The following DNAAF5 variants were observed in gnomAD, a reference collection of about 807,000 sequenced individuals.
DNAAF5 encodes dynein axonemal assembly factor 5.
A neutral mutation model predicts 75.8 loss-of-function variants in DNAAF5; 64 were observed. The observed-to-expected ratio is 0.84, with a 90% CI of 0.69 to 1.04. DNAAF5 has a LOEUF of 1.04. DNAAF5 is among the 50% of genes least tolerant of loss of function. The pLI is 0.00. For missense variants in DNAAF5, 1,269 were observed against 1,178.5 expected (o/e 1.08, Z -1.12); for synonymous variants, 657 against 557.2 (o/e 1.18, Z -2.52).
intron 2 of DNAAF5, among the ~76,000 whole-genome samples, chr7:735,855 G>C (rs933993751): frequency 1.1e-4 from 16 of 151,848 alleles, no homozygotes. Context: ...AGTTCTTTAC[G>C]ATGCAGTGTT....
Position 763,898 on chromosome 7 carries a change from G to A in DNAAF5, c.1707G>A (p.Arg569=), listed in dbSNP as rs180946359. The A allele has an allele frequency of 1.2e-6, 2 of 1,612,696 alleles. No homozygotes were observed. The highest frequency in any genetic ancestry group is 2.7e-5 in the African/African-American group (2 of 75,066). The change falls in exon 8 of 13, where the codon CGG becomes CGA. Residue 569 remains arginine (R), a synonymous_variant. Transcript: ENST00000297440. ...AGCACATTGGTCCCCTCCTGGAGCG[G>A]GTGACCGCGTCGCACCTTGACTGGA... ...YRKHIGPLLE[R]VTASHLDWTA... is the part of the protein sequence containing the mutation.
chr7:785,798 T>C lies in DNAAF5; in HGVS notation c.*145T>C. 1.2e-6 allele frequency: 1 copy of C among 834,854 alleles called. No homozygotes were observed. Among genetic ancestry groups the C allele is most frequent in the East Asian group, 2.8e-5 (1 of 36,324 alleles). 51.7% of individuals were successfully genotyped at this position (834,854 alleles called of 1,614,324 possible). ...CTCCTCAGGACACCTGCCCACTCTT[T>C]CCCTGGAATAACAGCCTCTGAGTGG... On this transcript the variant is annotated 3_prime_UTR_variant, in exon 13 of 13. Transcript: ENST00000297440.
chr7:760,692 G>C (rs749732740), intron 6 of DNAAF5, among the ~76,000 whole-genome samples: 1 of 152,184 alleles, frequency 6.6e-6, no homozygotes, highest in Admixed American at 6.5e-5. Context: ...GTAAGCACAC[G>C]CAAAGCCTTA....
At chr7:756,631 G>C in intron 5 of DNAAF5, 151 bp from the exon 6 acceptor site, 1 of 688,008 alleles carries the variant, frequency 1.5e-6, no homozygotes, top group Non-Finnish European at 2.5e-6. Flanking sequence ...CCTTTCCTGA[G>C]GGCTCTGAGC....
intron 12 of DNAAF5, among the ~76,000 whole-genome samples, chr7:780,878 CT>C (rs1168547134): frequency 7.7e-5 from 7 of 90,380 alleles, no homozygotes; most frequent in Non-Finnish European, 1.2e-4. Flanking sequence ...TGACGTTGTT[CT>C]TTTTTTTAAT....
rs1379663317 is a variant in DNAAF5 at position 727,130 on chromosome 7, C to G, written c.410C>G (p.Ala137Gly). 12 of 1,201,198 alleles carry G rather than the reference C, an allele frequency of 1.0e-5. No individual in the cohort carries two copies. Among genetic ancestry groups the G allele is most frequent in the Non-Finnish European group, 1.2e-5 (12 of 967,418 alleles). The allele number at this position is 1,201,198 out of a possible 1,614,324, so 74.4% of individuals were successfully genotyped here. ...GTGCCCGCGCGCCGCCCGCCCGAGG[C>G]CTGTGAGGAGCTGCGCCTGGCGCTT... is the stretch of plus-strand genomic sequence containing the variant. ...GPVPARRPPEACEELRLALVQ... is the reference protein window; with the variant it reads ...GPVPARRPPEGCEELRLALVQ... The change falls in exon 1 of 13, where the codon GCC (alanine) becomes GGC (glycine). Residue 137 changes from alanine to glycine, a missense_variant. Ala to Gly is a moderately conservative substitution (Grantham distance 60). Coordinates refer to ENST00000297440, the MANE Select transcript of DNAAF5 (RefSeq NM_017802.4).
intron 2 of DNAAF5, among the ~76,000 whole-genome samples, chr7:737,814 G>A (rs2128071797): frequency 6.6e-6 from 1 of 152,300 alleles, no homozygotes; most frequent in Middle Eastern, 3.4e-3. Context: ...GTGATTTGTT[G>A]TTTTTTCTCT....
chr7:741,478 G>T lies in DNAAF5; in HGVS notation c.1024+13G>T. On this transcript the variant is annotated intron_variant, in intron 4 of 12. Transcript: ENST00000297440. Reference sequence around the variant, plus strand: ...TACCCTCCACATGGTGAGTGACCGCGGCAGAGGGGAGCGCCAGGAGGCGAG... The same window carrying T: ...TACCCTCCACATGGTGAGTGACCGCTGCAGAGGGGAGCGCCAGGAGGCGAG... 7.7e-7 allele frequency: 1 copy of T among 1,294,082 alleles called. No individual in the cohort carries two copies. The highest frequency in any genetic ancestry group is 1.5e-5 in the African/African-American group (1 of 66,272). The allele number at this position is 1,294,082 out of a possible 1,614,324, so 80.2% of individuals were successfully genotyped here.
intron 11 of DNAAF5, among the ~76,000 whole-genome samples, chr7:777,441 G>A (rs1028298719): frequency 2.0e-5 from 3 of 152,094 alleles, no homozygotes; most frequent in Non-Finnish European, 4.4e-5. Flanking sequence ...AACAAGTTGA[G>A]AAACAAGAAG....
At chr7:749,427 T>G (rs1178605299) in intron 4 of DNAAF5, among the ~76,000 whole-genome samples, 1 of 152,180 alleles carries the variant, frequency 6.6e-6, no homozygotes, top group Non-Finnish European at 1.5e-5. Flanking sequence ...AAAGCCTGAC[T>G]TAGAAGTGAG....
chr7:766,970 T>C (rs905531364), intron 8 of DNAAF5, among the ~76,000 whole-genome samples: 1 of 152,204 alleles, frequency 6.6e-6, no homozygotes, highest in East Asian at 1.9e-4. Context: ...CTGGGCGTGG[T>C]GGCTCACGCC....
At chr7:745,506 C>T (rs529441758) in intron 4 of DNAAF5, among the ~76,000 whole-genome samples, 9 of 152,292 alleles carry the variant, frequency 5.9e-5, no homozygotes, top group African/African-American at 1.4e-4. Context: ...ATCGCACACA[C>T]GTGCACATAT....
chr7:783,667 C>T lies in DNAAF5; in HGVS notation c.2432-1850C>T, dbSNP rs536498925. Among the ~76,000 whole-genome samples, 19 of 152,334 alleles carry T rather than the reference C, an allele frequency of 1.2e-4. No individual in the cohort carries two copies. In the South Asian group the frequency reaches 3.9e-3, roughly 32 times the overall value. ...TGTTTAAAAGGAGGACAGCAGCTCA[C>T]GTGCAGGCCTCGCTGGGACAGCCCA... On this transcript the variant is annotated intron_variant, in intron 12 of 12. Transcript: ENST00000297440.
chr7:737,870 G>C (rs1781785814), intron 2 of DNAAF5, among the ~76,000 whole-genome samples: 1 of 152,190 alleles, frequency 6.6e-6, no homozygotes, highest in African/African-American at 2.4e-5. Context: ...TTGGGAGTTT[G>C]ATTGTTAAAT....
intron 11 of DNAAF5, among the ~76,000 whole-genome samples, chr7:775,551 T>G (rs932406194): frequency 4.6e-5 from 7 of 152,000 alleles, no homozygotes; most frequent in African/African-American, 1.7e-4. Context: ...TGGCTACATA[T>G]ATACATGTTT....
At chr7:747,649 G>A (rs1271901055) in intron 4 of DNAAF5, among the ~76,000 whole-genome samples, 4 of 150,172 alleles carry the variant, frequency 2.7e-5, no homozygotes, top group African/African-American at 9.8e-5. Flanking sequence ...GGCCCACAGT[G>A]TTGGTGGGGT....
intron 8 of DNAAF5, among the ~76,000 whole-genome samples, chr7:769,729 C>G (rs1410738242): frequency 6.6e-6 from 1 of 152,174 alleles, no homozygotes; most frequent in Non-Finnish European, 1.5e-5. Context: ...GCGATCTCAG[C>G]TCACCGCAAC....
intron 4 of DNAAF5, among the ~76,000 whole-genome samples, chr7:745,551 A>G (rs1032038754): frequency 1.3e-5 from 2 of 151,654 alleles, no homozygotes; most frequent in African/African-American, 2.4e-5. Flanking sequence ...TCACACGCGT[A>G]CACACATCCT....
intron 9 of DNAAF5, among the ~76,000 whole-genome samples, chr7:773,291 C>T (rs1227467938): frequency 2.0e-5 from 3 of 152,226 alleles, no homozygotes; most frequent in African/African-American, 4.8e-5. Flanking sequence ...AAGCCGGTGG[C>T]GCCTCCAGAA....
Sources: gnomAD v4.1 joint callset for allele counts (sites outside exome capture counted in the v4.1 genomes callset) on GRCh38, gnomAD v4.1.1 for gene constraint, MANE v1.5 for transcripts, NCBI Gene and HGNC (gene_info 2026-07-23, HGNC 2026-07-21) for gene names.